The following TAFA5 variants were observed in gnomAD, a reference collection of about 807,000 sequenced individuals.
The protein encoded by TAFA5 is chemokine-like protein TAFA-5.
In TAFA5, 6 loss-of-function variants were observed where a neutral mutation model predicts 15.3. The observed-to-expected ratio is 0.39, with a 90% CI of 0.21 to 0.77. The LOEUF (loss-of-function observed/expected upper bound fraction) is 0.77, where lower values mean the gene tolerates loss of function less well. TAFA5 is among the 30% of genes least tolerant of loss of function. The pLI is 0.41. For synonymous variants in TAFA5, 103 were observed against 80.7 expected (o/e 1.28, Z -1.48); for missense variants, 161 against 193.1 (o/e 0.83, Z 0.98).
At chr22:48,636,270 C>T (rs559239731) in intron 1 of TAFA5, among the ~76,000 whole-genome samples, 20 of 152,364 alleles carry the variant, frequency 1.3e-4, no homozygotes, top group South Asian at 4.1e-4. Flanking sequence ...CTGGGCCCGA[C>T]GCTGGCTGTT....
intron 2 of TAFA5, among the ~76,000 whole-genome samples, chr22:48,697,775 A>AATGATGATGGTG (rs57633487): frequency 2.0e-5 from 3 of 150,704 alleles, no homozygotes; most frequent in East Asian, 2.0e-4. Context: ...ACAGTGATAA[A>AATGATGATGGTG]ATGATGATGG....
At chr22:48,669,248 G>A (rs759389177) in intron 2 of TAFA5, among the ~76,000 whole-genome samples, 1 of 152,214 alleles carries the variant, frequency 6.6e-6, no homozygotes, top group Non-Finnish European at 1.5e-5. Flanking sequence ...GGCAGCCTGC[G>A]TACACTAAGG....
At chr22:48,515,433 G>T (rs1016106802) in intron 1 of TAFA5, among the ~76,000 whole-genome samples, 6 of 152,162 alleles carry the variant, frequency 3.9e-5, no homozygotes, top group Non-Finnish European at 8.8e-5. Flanking sequence ...CCCTTCTCCT[G>T]GGTCACCTTC....
In TAFA5 at chr22:48,566,642, C is replaced by T. The variant is rs1923417406; in HGVS notation, c.112+76938C>T. Among the ~76,000 whole-genome samples the T allele has an allele frequency of 6.6e-6, 1 of 152,206 alleles. No homozygotes were observed. The highest frequency in any genetic ancestry group is 2.4e-5 in the African/African-American group (1 of 41,432). ...CTGCTGCCATAGGCAGGTTGCTGAG[C>T]TGCCTCAGCCTTAGTTTCCTCAGCA... is the stretch of plus-strand genomic sequence containing the variant. On this transcript the variant is annotated intron_variant, in intron 1 of 3. Coordinates refer to ENST00000402357, the MANE Select transcript of TAFA5 (RefSeq NM_001082967.3). The surrounding 1 kb of genome is among the most constrained non-coding windows in gnomAD (Gnocchi z 4.5).
intron 1 of TAFA5, among the ~76,000 whole-genome samples, chr22:48,618,226 C>T (rs977301553): frequency 1.3e-5 from 2 of 152,164 alleles, no homozygotes; most frequent in African/African-American, 4.8e-5. Flanking sequence ...CTACACCTGC[C>T]CCAGTCCCCC....
intron 2 of TAFA5, among the ~76,000 whole-genome samples, chr22:48,689,712 C>T (rs1928478765): frequency 2.0e-5 from 3 of 152,152 alleles, no homozygotes; most frequent in Admixed American, 2.0e-4. Context: ...TGGGCCAGCC[C>T]AGCTGTGCTT....
intron 1 of TAFA5, among the ~76,000 whole-genome samples, chr22:48,531,479 C>T (rs572079215): frequency 3.9e-4 from 59 of 152,338 alleles, no homozygotes; most frequent in Non-Finnish European, 3.8e-4. Flanking sequence ...TGGCAGACTT[C>T]GAGGTCCCTG....
At chr22:48,593,671 G>T (rs112282254) in intron 1 of TAFA5, among the ~76,000 whole-genome samples, 7 of 152,268 alleles carry the variant, frequency 4.6e-5, no homozygotes, top group Non-Finnish European at 1.0e-4. Context: ...CTCACCGCGC[G>T]CTCGGGTGCA....
intron 1 of TAFA5, chr22:48,545,449 C>T (rs1922629716): frequency 5.8e-6 from 1 of 171,060 alleles, no homozygotes; most frequent in African/African-American, 2.4e-5. Context: ...GTGGATAGCG[C>T]AGCACACAGT....
At chr22:48,540,001 A>G (rs1185654517) in intron 1 of TAFA5, among the ~76,000 whole-genome samples, 1 of 152,000 alleles carries the variant, frequency 6.6e-6, no homozygotes, top group African/African-American at 2.4e-5. Context: ...CCCATGTCCC[A>G]TGGATTGGGG....
chr22:48,720,102 C>T (rs532265800), intron 3 of TAFA5, among the ~76,000 whole-genome samples: 1 of 152,096 alleles, frequency 6.6e-6, no homozygotes, highest in East Asian at 1.9e-4. Flanking sequence ...AATGTGAGGA[C>T]GCTCGCCCGG....
intron 1 of TAFA5, among the ~76,000 whole-genome samples, chr22:48,518,861 A>C (rs1921508342): frequency 6.6e-6 from 1 of 152,200 alleles, no homozygotes; most frequent in Admixed American, 6.5e-5. Context: ...GGAGAACGGT[A>C]CTTTTCACTC....
At chr22:48,668,353 G>A (rs1467044195) in intron 2 of TAFA5, among the ~76,000 whole-genome samples, 8 of 10,890 alleles carry the variant, frequency 7.3e-4, no homozygotes, top group African/African-American at 2.8e-3. Flanking sequence ...GGGAGCTGTA[G>A]TCCCCCAGCA....
At chr22:48,511,027 T>C (rs1921191831) in intron 1 of TAFA5, among the ~76,000 whole-genome samples, 1 of 152,182 alleles carries the variant, frequency 6.6e-6, no homozygotes, top group African/African-American at 2.4e-5. Context: ...CTGTCATCTG[T>C]TATGGGGACA....
chr22:48,665,182 T>C (rs4925432), intron 2 of TAFA5, among the ~76,000 whole-genome samples: 75,034 of 151,722 alleles, frequency 0.49, 19,225 homozygotes, highest in South Asian at 0.61. Flanking sequence ...GGCATGACTC[T>C]ACAGCCGTCT....
intron 1 of TAFA5, among the ~76,000 whole-genome samples, chr22:48,606,082 T>C (rs1272837325): frequency 1.3e-5 from 2 of 152,162 alleles, no homozygotes; most frequent in African/African-American, 4.8e-5. Flanking sequence ...CGGGCACCTG[T>C]CCTGCCACGT....
In TAFA5 at chr22:48,615,858, C is replaced by T. The variant is rs117908442; in HGVS notation, c.113-30739C>T. The stretch of plus-strand genomic sequence containing the variant: ...CCAGCCCTCTCTGCATTGCACATCC[C>T]TCCTGGGGCTGTCAGCAGGCCTTGC... On this transcript the variant is annotated intron_variant, in intron 1 of 3. Transcript: ENST00000402357. Among the ~76,000 whole-genome samples the T allele has an allele frequency of 1.6e-3, 239 of 152,370 alleles. 4 individuals are homozygous for T. In the East Asian group the frequency reaches 0.032, roughly 21 times the overall value.
chr22:48,613,560 C>T (rs548411221), intron 1 of TAFA5, among the ~76,000 whole-genome samples: 2 of 152,316 alleles, frequency 1.3e-5, no homozygotes, highest in South Asian at 2.1e-4. Flanking sequence ...CCCTGTGGTT[C>T]GGCCAGGCGC....
chr22:48,621,869 G>A (rs1240378620), intron 1 of TAFA5, among the ~76,000 whole-genome samples: 11 of 152,134 alleles, frequency 7.2e-5, no homozygotes, highest in Admixed American at 7.2e-4. Flanking sequence ...CCCGGAGCAG[G>A]GCTGCATCTG....
Sources: gnomAD v4.1 joint callset for allele counts (sites outside exome capture counted in the v4.1 genomes callset) on GRCh38, gnomAD v4.1.1 for gene constraint, Gnocchi (gnomAD v3.1) non-coding constraint, MANE v1.5 for transcripts, NCBI Gene and HGNC (gene_info 2026-07-23, HGNC 2026-07-21) for gene names.